HK2: variants seen among roughly 807,000 people sequenced by gnomAD.
HK2 encodes hexokinase 2, also known as hexokinase-2.
In HK2, 42 loss-of-function variants were observed where a neutral mutation model predicts 92.9. The observed-to-expected ratio is 0.45, with a 90% CI of 0.35 to 0.58. The LOEUF (loss-of-function observed/expected upper bound fraction) is 0.58. Ranked by LOEUF, HK2 falls within the 20% of genes least tolerant of loss-of-function variation. The pLI, the probability that HK2 is intolerant of heterozygous loss-of-function variation, is 0.00. For missense variants in HK2, 978 were observed against 1,245.1 expected, an observed-to-expected ratio of 0.79 and a Z score of 3.23; for synonymous variants, 422 against 468.0, an observed-to-expected ratio of 0.90 and a Z score of 1.27.
intron 7 of HK2, among the ~76,000 whole-genome samples, chr2:74,874,969 C>T (rs757961735): frequency 1.6e-4 from 25 of 152,190 alleles, no homozygotes; most frequent in Non-Finnish European, 2.8e-4. Context: ...CCTTGGCCTC[C>T]TTCACTTGGA....
intron 1 of HK2, among the ~76,000 whole-genome samples, chr2:74,853,852 G>A (rs1439395735): frequency 2.6e-5 from 4 of 152,142 alleles, no homozygotes; most frequent in South Asian, 2.1e-4. Context: ...AGGTAAAAGC[G>A]GAACTGGGGA....
chr2:74,858,738 T>G (rs1476638854), intron 2 of HK2, among the ~76,000 whole-genome samples: 1 of 152,192 alleles, frequency 6.6e-6, no homozygotes, highest in African/African-American at 2.4e-5. Context: ...TTATACCAGC[T>G]CCAATTATCT....
chr2:74,885,688 T>C, intron 13 of HK2, 99 bp downstream of exon 13: 1 of 840,124 alleles, frequency 1.2e-6, no homozygotes, highest in Non-Finnish European at 2.1e-6. Context: ...TGTGGCTGCA[T>C]GGGTTGGGAG....
chr2:74,851,503 G>A (rs1306733518), intron 1 of HK2, among the ~76,000 whole-genome samples: 4 of 152,198 alleles, frequency 2.6e-5, no homozygotes, highest in Admixed American at 2.0e-4. Context: ...TTTAAACATC[G>A]AAGATAAACT....
intron 3 of HK2, among the ~76,000 whole-genome samples, chr2:74,868,665 GGTTGCCTTTTCTTCCC>G (rs989982516): frequency 1.5e-4 from 23 of 152,202 alleles, no homozygotes; most frequent in African/African-American, 5.5e-4. Context: ...TGGGGGATGT[GGTTGCCTTTTCTTCCC>G]GTTGCCTCGA....
intron 2 of HK2, among the ~76,000 whole-genome samples, chr2:74,866,940 G>A (rs1688962823): frequency 6.6e-6 from 1 of 152,092 alleles, no homozygotes; most frequent in Non-Finnish European, 1.5e-5. Flanking sequence ...AGTAAATTTA[G>A]TACTGCAATT....
chr2:74,887,458 G>A (rs2104015955), intron 15 of HK2, among the ~76,000 whole-genome samples: 1 of 152,156 alleles, frequency 6.6e-6, no homozygotes, highest in East Asian at 1.9e-4. Flanking sequence ...GCTGGCAGTA[G>A]TTACTTGAGT....
At chr2:74,855,242 G>A (rs1248428586) in intron 2 of HK2, among the ~76,000 whole-genome samples, 1 of 152,144 alleles carries the variant, frequency 6.6e-6, no homozygotes, top group Non-Finnish European at 1.5e-5. Flanking sequence ...TGATCCGCCC[G>A]CTTCAGCCTC....
chr2:74,838,493 C>G (rs1558785477), intron 1 of HK2, among the ~76,000 whole-genome samples: 1 of 151,646 alleles, frequency 6.6e-6, no homozygotes, highest in East Asian at 1.9e-4. Flanking sequence ...CTTCAGCAAT[C>G]AAGACTGTGT....
chr2:74,877,834 T>C (rs1471137349), intron 8 of HK2, among the ~76,000 whole-genome samples: 1 of 152,188 alleles, frequency 6.6e-6, no homozygotes, highest in African/African-American at 2.4e-5. Flanking sequence ...AGAGTGAGGA[T>C]GGCTTGATTT....
chr2:74,882,683 G>A (rs7604247), intron 12 of HK2, among the ~76,000 whole-genome samples: 8,365 of 144,338 alleles, frequency 0.058, 692 homozygotes, highest in African/African-American at 0.18. Context: ...GCATTATCTC[G>A]TTTAACCCTC....
rs1689716917 is a variant in HK2 at position 74,892,965 on chromosome 2, A to G, written c.*2024A>G. 6.6e-6 allele frequency: 1 copy of G among 152,212 alleles called. No individual in the cohort carries two copies. Among genetic ancestry groups the G allele is most frequent in the Admixed American group, 6.5e-5 (1 of 15,280 alleles). The allele number at this position is 152,212 out of a possible 1,614,324, so 9.4% of individuals were successfully genotyped here. On this transcript the variant is annotated 3_prime_UTR_variant, in exon 18 of 18. Coordinates refer to ENST00000290573, the MANE Select transcript of HK2 (RefSeq NM_000189.5). Reference sequence around the variant, plus strand: ...GATTTTAGTTCACTAAAGGGTGCCCACAAAATAGAGATTAATTTTAACTTA... The same window carrying G: ...GATTTTAGTTCACTAAAGGGTGCCCGCAAAATAGAGATTAATTTTAACTTA...
intron 1 of HK2, among the ~76,000 whole-genome samples, chr2:74,837,899 C>T (rs989733522): frequency 2.6e-5 from 4 of 152,124 alleles, no homozygotes; most frequent in Non-Finnish European, 5.9e-5. Context: ...TGGTCTCGAT[C>T]TCCTTACCTT....
chr2:74,886,363 G>A lies in HK2; in HGVS notation c.2005G>A (p.Asp669Asn). 2 of 1,614,188 alleles carry A rather than the reference G, an allele frequency of 1.2e-6. No homozygotes were observed. The highest frequency in any genetic ancestry group is 1.7e-6 in the Non-Finnish European group (2 of 1,180,036). ...AACTATGATGACCTGTGGCTTTGAA[G>A]ACCCTCACTGTGAAGTTGGCCTCAT... ...VGTMMTCGFE[D>N]PHCEVGLIVG... Residue 669 changes from aspartate (D) to asparagine (N), a missense_variant, in exon 14 of 18, where the codon GAC (aspartate) becomes AAC (asparagine). Asp to Asn is a conservative substitution (Grantham distance 23). This residue lies in a region of HK2 where 742 missense variants were observed against 922.5 expected (regional missense o/e 0.80). Coordinates refer to ENST00000290573, the MANE Select transcript of HK2 (RefSeq NM_000189.5).
chr2:74,859,998 A>C (rs1216730744), intron 2 of HK2, among the ~76,000 whole-genome samples: 2 of 152,218 alleles, frequency 1.3e-5, no homozygotes, highest in Non-Finnish European at 2.9e-5. Flanking sequence ...TTAAAATAGA[A>C]TGAAATAATG....
In HK2 at chr2:74,892,818, C is replaced by G. The variant is rs577357566; in HGVS notation, c.*1877C>G. ...GAGCACAGAGGGGCTAGGGGCTGGT[C>G]CTTCTCGTTTGCTCTAGTCTTGCTT... On this transcript the variant is annotated 3_prime_UTR_variant, in exon 18 of 18. Coordinates refer to ENST00000290573, the MANE Select transcript of HK2 (RefSeq NM_000189.5). 2.6e-5 allele frequency: 4 copies of G among 152,240 alleles called. No homozygotes were observed. In the South Asian group the frequency reaches 8.3e-4, roughly 32 times the overall value. 9.4% of individuals were successfully genotyped at this position (152,240 alleles called of 1,614,324 possible). A position where few individuals can be genotyped will look rare whatever the true frequency, so the allele number is the denominator to read the frequency against.
rs537771858 is a variant in HK2 at position 74,855,214 on chromosome 2, C to G, written c.226+759C>G. On this transcript the variant is annotated intron_variant, in intron 2 of 17. Transcript: ENST00000290573. ...TTTCTCATGTTGGTCAGGTTGGTCT[C>G]GAACTCCTGACCTCAGGTGATCCGC... Among the ~76,000 whole-genome samples the G allele has an allele frequency of 7.4e-4, 112 of 152,212 alleles. 1 individual carries two copies. Among genetic ancestry groups the G allele is most frequent in the African/African-American group, 2.5e-3 (103 of 41,516 alleles).
rs762909170 is a variant in HK2, at chr2:74,834,644, G to A, written c.63+1G>A. 2.5e-6 allele frequency: 4 copies of A among 1,613,968 alleles called. No individual in the cohort carries two copies. The highest frequency in any genetic ancestry group is 1.1e-5 in the South Asian group (1 of 91,088). Reference sequence around the variant, plus strand: ...GCTCAACCATGACCAAGTGCAGAAGGTAAGTCAGCGCGGGCGGGGCGGCAG... The same window carrying A: ...GCTCAACCATGACCAAGTGCAGAAGATAAGTCAGCGCGGGCGGGGCGGCAG... On this transcript the variant is annotated splice_donor_variant, in intron 1 of 17. Coordinates refer to ENST00000290573, the MANE Select transcript of HK2 (RefSeq NM_000189.5). LOFTEE classifies it high-confidence loss of function. This position sits in a 1 kb window ranked among gnomAD's most constrained non-coding sequence, Gnocchi z 4.2.
chr2:74,839,805 G>A (rs200580508), intron 1 of HK2, among the ~76,000 whole-genome samples: 4 of 148,014 alleles, frequency 2.7e-5, no homozygotes, highest in Admixed American at 1.4e-4. Flanking sequence ...CTACAGGTGC[G>A]CACCACCATG....
Sources: gnomAD v4.1 joint callset for allele counts (sites outside exome capture counted in the v4.1 genomes callset) on GRCh38, gnomAD v4.1.1 for gene constraint, gnomAD v4.1.1 regional missense constraint, Gnocchi (gnomAD v3.1) non-coding constraint, MANE v1.5 for transcripts, NCBI Gene and HGNC (gene_info 2026-07-23, HGNC 2026-07-21) for gene names.